QKI: variants seen among roughly 807,000 people sequenced by gnomAD.
QKI encodes QKI, KH domain containing RNA binding, also known as KH domain-containing RNA-binding protein QKI.
In QKI, 10 loss-of-function variants were observed where a neutral mutation model predicts 39.0. That is an observed-to-expected ratio of 0.26 (90% CI 0.16 to 0.43). The LOEUF (loss-of-function observed/expected upper bound fraction) is 0.43, where lower values mean the gene tolerates loss of function less well. Among genes scored for constraint, QKI ranks in the 20% least tolerant of loss-of-function variants. QKI has a pLI of 1.00. For synonymous variants in QKI, 204 were observed against 155.4 expected (o/e 1.31, Z -2.33); for missense variants, 218 against 428.0 (o/e 0.51, Z 4.33).
intron 7 of QKI, chr6:163,568,638 TA>T (rs1257692281): frequency 9.0e-5 from 88 of 975,830 alleles, no homozygotes; most frequent in African/African-American, 1.4e-4. Context: ...AAAATTATTT[TA>T]AAAAAATATT....
chr6:163,440,319 T>C (rs972236656), intron 1 of QKI, among the ~76,000 whole-genome samples: 1 of 152,228 alleles, frequency 6.6e-6, no homozygotes, highest in South Asian at 2.1e-4. Flanking sequence ...TTCATCTTTA[T>C]GTGGTCTTTG....
At chr6:163,495,709 G>A (rs1778365778) in intron 3 of QKI, among the ~76,000 whole-genome samples, 1 of 152,040 alleles carries the variant, frequency 6.6e-6, no homozygotes, top group Admixed American at 6.6e-5. Context: ...GTGTAATTTG[G>A]AACAGTTCCT....
chr6:163,432,492 C>T (rs941383975), intron 1 of QKI, among the ~76,000 whole-genome samples: 1 of 151,480 alleles, frequency 6.6e-6, no homozygotes, highest in Non-Finnish European at 1.5e-5. Flanking sequence ...CTCCTGGGCT[C>T]AAGCGATCCT....
At chr6:163,487,263 C>A (rs1777741590) in intron 3 of QKI, among the ~76,000 whole-genome samples, 1 of 152,048 alleles carries the variant, frequency 6.6e-6, no homozygotes, top group Non-Finnish European at 1.5e-5. Context: ...TTACCCATCA[C>A]CCAGGGTCAG....
rs1282315076 is a variant in QKI, at chr6:163,496,049, TTTACA to T, written c.402+17156_402+17160del. On this transcript the variant is annotated intron_variant, in intron 3 of 7. Transcript: ENST00000361752. ...TTTGTCCAATTTTCGTATCATTCCC[TTTACA>T]TTTGTTAGTTAACATTTAATTGTAA... 1.3e-4 allele frequency among the ~76,000 whole-genome samples: 20 copies of T among 152,346 alleles called. 1 individual carries two copies. The South Asian group carries it at 4.1e-3, about 32-fold the overall frequency.
At chr6:163,420,154 CTTTTT>C (rs35131240) in intron 1 of QKI, among the ~76,000 whole-genome samples, 11 of 60,836 alleles carry the variant, frequency 1.8e-4, no homozygotes, top group Non-Finnish European at 2.9e-4. Context: ...CTTTTCTTTT[CTTTTT>C]TTTTTTTTTT....
intron 3 of QKI, among the ~76,000 whole-genome samples, chr6:163,510,877 T>TA (rs537908950): frequency 0.04 from 6,005 of 151,140 alleles, 131 homozygotes; most frequent in Middle Eastern, 0.082. Context: ...CAGCAACTAA[T>TA]AAAAAAAAAT....
chr6:163,512,719 A>G (rs553527458), intron 3 of QKI, among the ~76,000 whole-genome samples: 4 of 152,280 alleles, frequency 2.6e-5, no homozygotes, highest in Admixed American at 6.5e-5. Context: ...TACATGGTAC[A>G]TATTGTCCAG....
At chr6:163,516,458 C>T (rs1779807994) in intron 3 of QKI, among the ~76,000 whole-genome samples, 1 of 152,024 alleles carries the variant, frequency 6.6e-6, no homozygotes, top group African/African-American at 2.4e-5. Context: ...CCATGCCCCG[C>T]TGAATTTTGT....
chr6:163,546,210 GA>G (rs1477916578), intron 4 of QKI, among the ~76,000 whole-genome samples: 1 of 151,192 alleles, frequency 6.6e-6, no homozygotes, highest in Non-Finnish European at 1.5e-5. Context: ...AAAAATAGGC[GA>G]GTGATTTCTC....
intron 1 of QKI, among the ~76,000 whole-genome samples, chr6:163,448,485 T>C (rs374778618): frequency 1.1e-4 from 17 of 152,238 alleles, no homozygotes; most frequent in African/African-American, 4.1e-4. Flanking sequence ...CCCAGCACTT[T>C]GTGAGGCCAA....
rs1228040830 is a variant in QKI, at chr6:163,568,759, C to A, written c.1010-1935C>A. ...ACGTTTAGAGTACTACATGGTTGACCAATATCTAGTTCTTTACTAAAAGTA... is the reference window on the plus strand; with the variant it reads ...ACGTTTAGAGTACTACATGGTTGACAAATATCTAGTTCTTTACTAAAAGTA... On this transcript the variant is annotated intron_variant, in intron 7 of 7. Transcript: ENST00000361752. 3 of 984,792 alleles carry A rather than the reference C, an allele frequency of 3.0e-6. No homozygotes were observed. In the East Asian group the frequency reaches 3.4e-4, roughly 112 times the overall value. The allele number at this position is 984,792 out of a possible 1,614,324, so 61.0% of individuals were successfully genotyped here. A position where few individuals can be genotyped will look rare whatever the true frequency, so the allele number is the denominator to read the frequency against.
intron 4 of QKI, among the ~76,000 whole-genome samples, chr6:163,553,058 T>A (rs1175860015): frequency 3.4e-5 from 5 of 145,230 alleles, no homozygotes; most frequent in Admixed American, 1.4e-4. Flanking sequence ...TTTTTTTTTT[T>A]AATTTTTATT....
At chr6:163,438,581 TTATAACACAATGG>T (rs1789490986) in intron 1 of QKI, among the ~76,000 whole-genome samples, 1 of 152,212 alleles carries the variant, frequency 6.6e-6, no homozygotes, top group Non-Finnish European at 1.5e-5. Flanking sequence ...CTGTAGGCAG[TTATAACACAATGG>T]TATTTGTGTA....
At chr6:163,510,143 G>A (rs759081852) in intron 3 of QKI, among the ~76,000 whole-genome samples, 16 of 151,708 alleles carry the variant, frequency 1.1e-4, no homozygotes, top group African/African-American at 3.6e-4. Context: ...TTGAACCTGG[G>A]AGGTGGAGGT....
intron 3 of QKI, among the ~76,000 whole-genome samples, chr6:163,487,587 A>G (rs1777761288): frequency 6.6e-6 from 1 of 152,002 alleles, no homozygotes; most frequent in Admixed American, 6.6e-5. Flanking sequence ...CTCTTAAGCC[A>G]CTTCCCAAAC....
intron 1 of QKI, among the ~76,000 whole-genome samples, chr6:163,449,871 C>A (rs1790417617): frequency 2.0e-5 from 3 of 151,762 alleles, no homozygotes; most frequent in Admixed American, 2.0e-4. Flanking sequence ...GATTTCTCAC[C>A]CCATATTTTT....
chr6:163,507,757 A>C lies in QKI; in HGVS notation c.403-27225A>C, dbSNP rs1490317383. Among the ~76,000 whole-genome samples, 3 of 152,086 alleles carry C rather than the reference A, an allele frequency of 2.0e-5. No homozygotes were observed. The East Asian group carries it at 5.8e-4, about 29-fold the overall frequency. On this transcript the variant is annotated intron_variant, in intron 3 of 7. Transcript: ENST00000361752. ...AACGAAAACAAAACCAGAACCAGAA[A>C]CAAAAGAAAAAAATTCGTCAAAATA...
intron 4 of QKI, among the ~76,000 whole-genome samples, chr6:163,551,515 AAAG>A (rs1312758557): frequency 2.6e-5 from 4 of 152,376 alleles, no homozygotes; most frequent in East Asian, 3.9e-4. Flanking sequence ...CAACAAAGAA[AAAG>A]AAGATGGGCA....
Sources: allele counts gnomAD v4.1 joint callset (sites outside exome capture counted in the v4.1 genomes callset), GRCh38; gene constraint gnomAD v4.1.1; transcripts MANE v1.5; gene names NCBI Gene and HGNC (gene_info 2026-07-23, HGNC 2026-07-21).